LRFN5: variants seen among roughly 807,000 people sequenced by gnomAD.
The protein encoded by LRFN5 is leucine rich repeat and fibronectin type III domain containing 5, also known as leucine-rich repeat and fibronectin type-III domain-containing protein 5.
In LRFN5, 24 loss-of-function variants were observed where a neutral mutation model predicts 45.6. The observed-to-expected ratio is 0.53, with a 90% CI of 0.38 to 0.74. The LOEUF (loss-of-function observed/expected upper bound fraction) is 0.74, where lower values mean the gene tolerates loss of function less well. Among genes scored for constraint, LRFN5 ranks in the 30% least tolerant of loss-of-function variants. The pLI is 0.00. For synonymous variants in LRFN5, 340 were observed against 313.8 expected, an observed-to-expected ratio of 1.08 and a Z score of -0.88; for missense variants, 776 against 861.5, an observed-to-expected ratio of 0.90 and a Z score of 1.24.
chr14:41,668,565 T>C (rs1594597068), intron 1 of LRFN5, among the ~76,000 whole-genome samples: 1 of 152,150 alleles, frequency 6.6e-6, no homozygotes, highest in Admixed American at 6.5e-5. Context: ...TCAAACAACA[T>C]CTGCTGTTAA....
intron 1 of LRFN5, among the ~76,000 whole-genome samples, chr14:41,727,735 A>G (rs1883998326): frequency 6.6e-6 from 1 of 152,158 alleles, no homozygotes; most frequent in African/African-American, 2.4e-5. Flanking sequence ...AATAGAAACA[A>G]TTTCAACAAA....
At chr14:41,724,110 T>C (rs577385233) in intron 1 of LRFN5, among the ~76,000 whole-genome samples, 1 of 152,288 alleles carries the variant, frequency 6.6e-6, no homozygotes, top group South Asian at 2.1e-4. Flanking sequence ...CACTCACTTT[T>C]ATCAGCCAAA....
At chr14:41,683,183 G>C (rs1008014664) in intron 1 of LRFN5, among the ~76,000 whole-genome samples, 1 of 152,122 alleles carries the variant, frequency 6.6e-6, no homozygotes, top group African/African-American at 2.4e-5. Flanking sequence ...ACCAATCAAT[G>C]TGATACATCG....
intron 1 of LRFN5, among the ~76,000 whole-genome samples, chr14:41,634,459 A>G (rs1233360932): frequency 6.6e-6 from 1 of 152,182 alleles, no homozygotes; most frequent in African/African-American, 2.4e-5. Flanking sequence ...TCATACAGAG[A>G]AAGGACATGC....
chr14:41,616,210 C>T (rs1297623038), intron 1 of LRFN5, among the ~76,000 whole-genome samples: 1 of 152,100 alleles, frequency 6.6e-6, no homozygotes, highest in Non-Finnish European at 1.5e-5. Flanking sequence ...TTTCACCTTA[C>T]TCTAAGGTGA....
intron 2 of LRFN5, among the ~76,000 whole-genome samples, chr14:41,817,451 A>G (rs1036785198): frequency 2.6e-5 from 4 of 152,084 alleles, no homozygotes; most frequent in African/African-American, 9.7e-5. Context: ...TAATCCTAGG[A>G]GTAGAACTGT....
chr14:41,886,622 T>C lies in LRFN5; in HGVS notation c.-4T>C. The C allele has an allele frequency of 6.4e-7, 1 of 1,568,060 alleles. No individual in the cohort carries two copies. ...CCGTTACAGGCTCTTAAACCTGATC[T>C]ACAATGGAAAAAATTCTTTTTTATC... On this transcript the variant is annotated 5_prime_UTR_variant, in exon 3 of 6. Coordinates refer to ENST00000298119, the MANE Select transcript of LRFN5 (RefSeq NM_152447.5).
intron 1 of LRFN5, among the ~76,000 whole-genome samples, chr14:41,705,803 C>A (rs1033202594): frequency 1.3e-5 from 2 of 152,024 alleles, no homozygotes; most frequent in African/African-American, 4.8e-5. Flanking sequence ...ATCTGTTTTT[C>A]TTTTCTCTGC....
rs555147649 is a variant in LRFN5 at position 41,736,063 on chromosome 14, C to T, written c.-196-30791C>T. Among the ~76,000 whole-genome samples the T allele has an allele frequency of 2.6e-5, 4 of 152,246 alleles. No homozygotes were observed. The South Asian group carries it at 8.3e-4, about 32-fold the overall frequency. ...CTATTGTGAATAGTGCTGCAATAAA[C>T]ATATGTGTGCATGTGTCTTTATAGT... On this transcript the variant is annotated intron_variant, in intron 1 of 5. Transcript: ENST00000298119.
At chr14:41,684,572 CAT>C (rs1167060180) in intron 1 of LRFN5, among the ~76,000 whole-genome samples, 3 of 152,128 alleles carry the variant, frequency 2.0e-5, no homozygotes, top group African/African-American at 7.2e-5. Context: ...TCTCCTTTAA[CAT>C]GTGGGGATTA....
At chr14:41,856,210 A>C (rs1156452513) in intron 2 of LRFN5, among the ~76,000 whole-genome samples, 1 of 152,230 alleles carries the variant, frequency 6.6e-6, no homozygotes, top group Non-Finnish European at 1.5e-5. Context: ...ACCATGCTTA[A>C]TGATCCAGAC....
chr14:41,871,191 A>C (rs1173961625), intron 2 of LRFN5, among the ~76,000 whole-genome samples: 1 of 152,190 alleles, frequency 6.6e-6, no homozygotes, highest in Admixed American at 6.5e-5. Flanking sequence ...CTCATTAAAA[A>C]AAATGCTTGC....
chr14:41,615,043 G>A (rs1273972899), intron 1 of LRFN5, among the ~76,000 whole-genome samples: 2 of 152,056 alleles, frequency 1.3e-5, no homozygotes, highest in African/African-American at 4.8e-5. Context: ...TCTGGAGAAT[G>A]CATGACTTAA....
chr14:41,614,233 C>A (rs1259441436), intron 1 of LRFN5, among the ~76,000 whole-genome samples: 1 of 152,026 alleles, frequency 6.6e-6, no homozygotes, highest in African/African-American at 2.4e-5. Flanking sequence ...TATATGGCAG[C>A]ATTGAACACT....
At position 41,606,907 on chromosome 14, in the gene LRFN5, G is replaced by A. The variant is rs1111178; in HGVS notation, c.-1852G>A. ...GCCGCCGCCTTCATGCTGCAGCGCA[G>A]GGCTCAGTTCCACGCGGCCAGGAGG... is the stretch of plus-strand genomic sequence containing the variant. On this transcript the variant is annotated 5_prime_UTR_variant, in exon 1 of 6. Transcript: ENST00000298119. 6.4e-4 allele frequency among the ~76,000 whole-genome samples: 98 copies of A among 152,072 alleles called. 2 individuals are homozygous for A. In the Middle Eastern group the frequency reaches 0.014, roughly 21 times the overall value.
rs527341821 is a variant in LRFN5, at chr14:41,648,068, A to C, written c.-197+39506A>C. On this transcript the variant is annotated intron_variant, in intron 1 of 5. Transcript: ENST00000298119. The stretch of plus-strand genomic sequence containing the variant: ...TTTATATAGCTGCATCCTTTGTTCA[A>C]TAGTATGCTTTTGGAGGTAACATAC... Among the ~76,000 whole-genome samples, 2 of 152,326 alleles carry C rather than the reference A, an allele frequency of 1.3e-5. 1 individual carries two copies. Among genetic ancestry groups the C allele is most frequent in the South Asian group, 4.1e-4 (2 of 4,830 alleles).
chr14:41,755,080 T>G (rs1425352015), intron 1 of LRFN5, among the ~76,000 whole-genome samples: 1 of 152,152 alleles, frequency 6.6e-6, no homozygotes, highest in Non-Finnish European at 1.5e-5. Context: ...CAGTTTTGAG[T>G]GAGTTTCTTA....
intron 2 of LRFN5, among the ~76,000 whole-genome samples, chr14:41,848,080 T>TC (rs1889130614): frequency 6.6e-6 from 1 of 152,164 alleles, no homozygotes; most frequent in Non-Finnish European, 1.5e-5. Flanking sequence ...ACTGTGGCTT[T>TC]ATTTAAAATA....
At chr14:41,867,111 C>T (rs1889866545) in intron 2 of LRFN5, among the ~76,000 whole-genome samples, 1 of 151,976 alleles carries the variant, frequency 6.6e-6, no homozygotes, top group East Asian at 1.9e-4. Context: ...TCCTTAAATC[C>T]ATAAGGCAGT....
Sources: allele counts gnomAD v4.1 joint callset (sites outside exome capture counted in the v4.1 genomes callset), GRCh38; gene constraint gnomAD v4.1.1; transcripts MANE v1.5; gene names NCBI Gene and HGNC (gene_info 2026-07-23, HGNC 2026-07-21).